The following NFYA variants were observed in gnomAD, a reference collection of about 807,000 sequenced individuals.
The protein encoded by NFYA is nuclear transcription factor Y subunit alpha.
A neutral mutation model predicts 52.8 loss-of-function variants in NFYA; 28 were observed. That is an observed-to-expected ratio of 0.53 (90% CI 0.39 to 0.73). The LOEUF (loss-of-function observed/expected upper bound fraction) is 0.73. Among genes scored for constraint, NFYA ranks in the 30% least tolerant of loss-of-function variants. The pLI, the probability that NFYA is intolerant of heterozygous loss-of-function variation, is 0.00. For missense variants in NFYA, 234 were observed against 427.0 expected, an observed-to-expected ratio of 0.55 and a Z score of 3.98; for synonymous variants, 150 against 150.7, an observed-to-expected ratio of 1.00 and a Z score of 0.03.
chr6:41,087,243 A>G (rs1462979755), intron 4 of NFYA, among the ~76,000 whole-genome samples: 2 of 152,222 alleles, frequency 1.3e-5, no homozygotes, highest in Non-Finnish European at 2.9e-5. Flanking sequence ...AATGCCAATT[A>G]TGAGCTGAGT....
rs143260426 is a variant in NFYA at position 41,094,090 on chromosome 6, G to A, written c.889-306G>A. Among the ~76,000 whole-genome samples the A allele has an allele frequency of 2.3e-3, 354 of 152,248 alleles. 1 individual carries two copies. The highest frequency in any genetic ancestry group is 0.015 in the Admixed American group (236 of 15,300). ...TTACTGAACACTCATTTGCTCAAAC[G>A]AAATTTGGCCTGTTATTAAAGCAGA... On this transcript the variant is annotated intron_variant, in intron 8 of 9. Coordinates refer to ENST00000341376, the MANE Select transcript of NFYA (RefSeq NM_002505.5).
At chr6:41,080,476 T>G (rs1763875480) in intron 2 of NFYA, among the ~76,000 whole-genome samples, 1 of 152,138 alleles carries the variant, frequency 6.6e-6, no homozygotes, top group Non-Finnish European at 1.5e-5. Flanking sequence ...TCTTGTGAAC[T>G]CATCTGAGGA....
chr6:41,079,817 G>A (rs1185509351), intron 2 of NFYA, among the ~76,000 whole-genome samples: 1 of 152,196 alleles, frequency 6.6e-6, no homozygotes, highest in Non-Finnish European at 1.5e-5. Flanking sequence ...CTTAGGCCAA[G>A]ATTGATATTT....
intron 5 of NFYA, 58 bp from the exon 6 acceptor site, chr6:41,090,146 C>T (rs1233835541): frequency 5.1e-6 from 6 of 1,171,832 alleles, no homozygotes; most frequent in South Asian, 2.5e-5. Flanking sequence ...AGGACTACAT[C>T]GTTCTTTGTT....
rs1443874353 is a variant in NFYA at position 41,101,371 on chromosome 6, G to C, written c.*3961G>C. 6.6e-6 allele frequency among the ~76,000 whole-genome samples: 1 copy of C among 152,186 alleles called. No individual in the cohort carries two copies. Among genetic ancestry groups the C allele is most frequent in the Non-Finnish European group, 1.5e-5 (1 of 68,038 alleles). ...GTTTTAGCGTGGGAGGACATCTTTT[G>C]GGATGAACCGGCTCAGTCCTTGAGC... is the stretch of plus-strand genomic sequence containing the variant. On this transcript the variant is annotated 3_prime_UTR_variant, in exon 10 of 10. Coordinates refer to ENST00000341376, the MANE Select transcript of NFYA (RefSeq NM_002505.5).
chr6:41,088,141 C>T (rs940568862), intron 4 of NFYA, among the ~76,000 whole-genome samples: 8 of 152,022 alleles, frequency 5.3e-5, no homozygotes, highest in East Asian at 3.9e-4. Flanking sequence ...AACATTTGGC[C>T]GGTGCGGTGG....
intron 8 of NFYA, among the ~76,000 whole-genome samples, chr6:41,093,309 C>T (rs1764244428): frequency 6.6e-6 from 1 of 152,128 alleles, no homozygotes; most frequent in Non-Finnish European, 1.5e-5. Flanking sequence ...CCTTTTCATA[C>T]ATAAAAGTAG....
intron 7 of NFYA, 63 bp downstream of exon 7, chr6:41,091,757 C>T: frequency 6.4e-6 from 10 of 1,570,830 alleles, no homozygotes; most frequent in Non-Finnish European, 8.7e-6. Context: ...CTTGATGCCT[C>T]CTAAAATTTA....
rs1764482090 is a variant in NFYA, at chr6:41,100,925, T to G, written c.*3515T>G. On this transcript the variant is annotated 3_prime_UTR_variant, in exon 10 of 10. Coordinates refer to ENST00000341376, the MANE Select transcript of NFYA (RefSeq NM_002505.5). ...CGATTGGCGTTGTCCCAAGGAAGCC[T>G]GCGCGGATTGATCGGCGGCAGGCCT... is the stretch of plus-strand genomic sequence containing the variant. 1 of 152,268 alleles carries G rather than the reference T, an allele frequency of 6.6e-6. No individual in the cohort carries two copies. The allele number at this position is 152,268 out of a possible 1,614,324, so 9.4% of individuals were successfully genotyped here.
In NFYA at chr6:41,079,167, A is replaced by G. The variant is rs1227410967; in HGVS notation, c.75+3A>G. On this transcript the variant is annotated splice_donor_region_variant and intron_variant, in intron 2 of 9. Coordinates refer to ENST00000341376, the MANE Select transcript of NFYA (RefSeq NM_002505.5). ...AGGCAGGACAGATTCAGCAGCAGGT[A>G]TGGAAGCAAAACTGCTTTAAACATT... 1 of 1,614,122 alleles carries G rather than the reference A, an allele frequency of 6.2e-7. No individual in the cohort carries two copies. Among genetic ancestry groups the G allele is most frequent in the Non-Finnish European group, 8.5e-7 (1 of 1,179,938 alleles).
intron 9 of NFYA, among the ~76,000 whole-genome samples, chr6:41,096,995 A>G (rs899372709): frequency 6.6e-6 from 1 of 152,228 alleles, no homozygotes; most frequent in Non-Finnish European, 1.5e-5. Flanking sequence ...AACAGTGACA[A>G]AAATACAGCA....
Position 41,100,500 on chromosome 6 carries a change from A to G in NFYA, c.*3090A>G, listed in dbSNP as rs115783191. Among the ~76,000 whole-genome samples the G allele has an allele frequency of 1.6e-3, 244 of 151,226 alleles. 1 individual carries two copies. The highest frequency in any genetic ancestry group is 0.01 in the Middle Eastern group (3 of 286). On this transcript the variant is annotated 3_prime_UTR_variant, in exon 10 of 10. Coordinates refer to ENST00000341376, the MANE Select transcript of NFYA (RefSeq NM_002505.5). Reference sequence around the variant, plus strand: ...GCCATTATCAACACACAAGAGACAAACAGCCCGAGGAAGCACTCAATGATG... The same window carrying G: ...GCCATTATCAACACACAAGAGACAAGCAGCCCGAGGAAGCACTCAATGATG...
intron 4 of NFYA, among the ~76,000 whole-genome samples, chr6:41,088,711 A>G (rs1561854158): frequency 1.3e-5 from 2 of 151,588 alleles, no homozygotes; most frequent in African/African-American, 2.4e-5. Flanking sequence ...CAGTTCCCCA[A>G]GTAGCTGGGA....
At chr6:41,073,810 C>T (rs571770933) in intron 1 of NFYA, among the ~76,000 whole-genome samples, 83 of 152,296 alleles carry the variant, frequency 5.4e-4, no homozygotes, top group African/African-American at 1.8e-3. Flanking sequence ...CCGCTCCGCC[C>T]GGGTCTCCGG....
intron 5 of NFYA, among the ~76,000 whole-genome samples, 176 bp downstream of exon 5, chr6:41,089,886 G>A (rs533891773): frequency 2.6e-5 from 4 of 152,316 alleles, no homozygotes; most frequent in African/African-American, 9.6e-5. Flanking sequence ...TTGAGAGGCC[G>A]AGGCAAGCTG....
chr6:41,089,734 C>G (rs2113811785), intron 5 of NFYA, 24 bp downstream of exon 5: 1 of 1,607,124 alleles, frequency 6.2e-7, no homozygotes, highest in East Asian at 2.2e-5. Context: ...CTCTGTCACA[C>G]AGGAGCAAAA....
At chr6:41,074,434 A>AAGTTCAGT (rs1176165705) in intron 1 of NFYA, among the ~76,000 whole-genome samples, 1 of 152,232 alleles carries the variant, frequency 6.6e-6, no homozygotes, top group African/African-American at 2.4e-5. Flanking sequence ...GGTTAGTGCT[A>AAGTTCAGT]TAAAGGGGCC....
intron 2 of NFYA, 126 bp from the exon 3 acceptor site, chr6:41,080,685 G>A (rs1582023923): frequency 1.4e-6 from 1 of 693,588 alleles, no homozygotes. Flanking sequence ...TCAATATAGG[G>A]AGTCTGTACA....
intron 1 of NFYA, among the ~76,000 whole-genome samples, chr6:41,076,380 T>C (rs1427726963): frequency 6.6e-6 from 1 of 152,264 alleles, no homozygotes; most frequent in Non-Finnish European, 1.5e-5. Flanking sequence ...ATGTGTTTCT[T>C]ACTAAGGGTT....
Sources: allele counts gnomAD v4.1 joint callset (sites outside exome capture counted in the v4.1 genomes callset), GRCh38; gene constraint gnomAD v4.1.1; transcripts MANE v1.5; gene names NCBI Gene and HGNC (gene_info 2026-07-23, HGNC 2026-07-21).